The following NKAIN2 variants were observed in gnomAD, a reference collection of about 807,000 sequenced individuals.
NKAIN2 encodes the protein sodium/potassium transporting ATPase interacting 2.
NKAIN2 carries 14 observed loss-of-function variants against 32.6 expected under a neutral mutation model. That is an observed-to-expected ratio of 0.43 (90% CI 0.28 to 0.67). NKAIN2 has a LOEUF of 0.67. Ranked by LOEUF, NKAIN2 falls within the 30% of genes least tolerant of loss-of-function variation. The pLI is 0.17. For missense variants in NKAIN2, 198 were observed against 258.3 expected (o/e 0.77, Z 1.60); for synonymous variants, 80 against 87.2 (o/e 0.92, Z 0.46).
chr6:124,714,749 G>A (rs1390609579), intron 4 of NKAIN2, among the ~76,000 whole-genome samples: 2 of 152,222 alleles, frequency 1.3e-5, no homozygotes, highest in East Asian at 1.9e-4. Flanking sequence ...CTGGCAGATT[G>A]GAAGGGCTAT....
chr6:124,648,277 C>T (rs1784248637), intron 3 of NKAIN2, among the ~76,000 whole-genome samples: 1 of 152,180 alleles, frequency 6.6e-6, no homozygotes, highest in South Asian at 2.1e-4. Flanking sequence ...TACTCTCCTA[C>T]ACAGATTGAA....
At chr6:124,468,043 A>G (rs1776831959) in intron 3 of NKAIN2, among the ~76,000 whole-genome samples, 1 of 152,138 alleles carries the variant, frequency 6.6e-6, no homozygotes, top group South Asian at 2.1e-4. Flanking sequence ...ACAAGGTGCT[A>G]CTTCCATGAT....
At chr6:124,512,525 A>C (rs551045910) in intron 3 of NKAIN2, among the ~76,000 whole-genome samples, 1 of 152,346 alleles carries the variant, frequency 6.6e-6, no homozygotes, top group Admixed American at 6.5e-5. Flanking sequence ...AAAAGTGGTC[A>C]TGAAGAAAAT....
intron 3 of NKAIN2, among the ~76,000 whole-genome samples, chr6:124,504,108 C>T (rs909559979): frequency 1.3e-5 from 2 of 152,074 alleles, no homozygotes; most frequent in Non-Finnish European, 1.5e-5. Flanking sequence ...TATGTATACA[C>T]ATATATGAAT....
intron 1 of NKAIN2, among the ~76,000 whole-genome samples, chr6:124,083,503 T>A (rs1784064544): frequency 6.6e-6 from 1 of 151,832 alleles, no homozygotes; most frequent in Admixed American, 6.6e-5. Flanking sequence ...ATTTTTCTAA[T>A]TTTTTATAAT....
intron 1 of NKAIN2, among the ~76,000 whole-genome samples, chr6:123,966,778 A>G (rs1778100666): frequency 1.3e-5 from 2 of 152,144 alleles, no homozygotes; most frequent in Non-Finnish European, 2.9e-5. Flanking sequence ...GTATACTACT[A>G]CTGCTGCAGG....
At chr6:124,316,632 G>C (rs963389601) in intron 2 of NKAIN2, among the ~76,000 whole-genome samples, 1 of 152,094 alleles carries the variant, frequency 6.6e-6, no homozygotes, top group Non-Finnish European at 1.5e-5. Context: ...AAAGTCATAA[G>C]ATACAGTTAA....
intron 5 of NKAIN2, among the ~76,000 whole-genome samples, chr6:124,793,798 G>C (rs1202554146): frequency 6.8e-6 from 1 of 147,760 alleles, no homozygotes; most frequent in African/African-American, 2.5e-5. Context: ...CCTTTTTTTT[G>C]TTTTCTAACC....
At chr6:124,178,444 C>T (rs1375368324) in intron 1 of NKAIN2, among the ~76,000 whole-genome samples, 1 of 151,852 alleles carries the variant, frequency 6.6e-6, no homozygotes, top group Non-Finnish European at 1.5e-5. Flanking sequence ...ACTACAGGCG[C>T]CCGCCACCAT....
chr6:124,531,217 T>G (rs969133221), intron 3 of NKAIN2, among the ~76,000 whole-genome samples: 2 of 152,204 alleles, frequency 1.3e-5, no homozygotes, highest in Non-Finnish European at 2.9e-5. Context: ...AAATGTTTGT[T>G]GCTTAAGCCA....
At chr6:124,474,903 T>C (rs1006262560) in intron 3 of NKAIN2, among the ~76,000 whole-genome samples, 4 of 140,272 alleles carry the variant, frequency 2.9e-5, no homozygotes, top group African/African-American at 8.0e-5. Context: ...ATATGTATCA[T>C]ATTATATACT....
At chr6:123,930,268 G>C (rs933703193) in intron 1 of NKAIN2, among the ~76,000 whole-genome samples, 23 of 152,122 alleles carry the variant, frequency 1.5e-4, no homozygotes, top group African/African-American at 4.8e-4. Context: ...TTTTCAGCTA[G>C]AGTTGTTTGT....
chr6:124,292,746 G>T (rs890763643), intron 2 of NKAIN2, among the ~76,000 whole-genome samples: 1 of 152,044 alleles, frequency 6.6e-6, no homozygotes, highest in Non-Finnish European at 1.5e-5. Flanking sequence ...CATGCATTCT[G>T]CCAGACCCTA....
intron 1 of NKAIN2, among the ~76,000 whole-genome samples, chr6:123,890,720 A>C (rs1773968101): frequency 6.6e-6 from 1 of 152,186 alleles, no homozygotes; most frequent in Non-Finnish European, 1.5e-5. Flanking sequence ...TGGAACACTC[A>C]TGCATTGCTG....
intron 3 of NKAIN2, among the ~76,000 whole-genome samples, chr6:124,357,588 G>T (rs1206050336): frequency 6.6e-6 from 1 of 152,110 alleles, no homozygotes; most frequent in Non-Finnish European, 1.5e-5. Context: ...TGAGGCTGAG[G>T]GAGAAATTTG....
intron 5 of NKAIN2, among the ~76,000 whole-genome samples, chr6:124,804,126 G>A (rs1015306652): frequency 3.3e-5 from 5 of 152,108 alleles, no homozygotes; most frequent in Non-Finnish European, 5.9e-5. Context: ...CCATCTTGAT[G>A]CTACCAAACA....
intron 1 of NKAIN2, among the ~76,000 whole-genome samples, chr6:124,193,108 A>T (rs1003388097): frequency 6.6e-6 from 1 of 152,172 alleles, no homozygotes; most frequent in Non-Finnish European, 1.5e-5. Flanking sequence ...ATACACATTT[A>T]GAATTGTTAT....
At chr6:124,395,735 A>G (rs530427806) in intron 3 of NKAIN2, among the ~76,000 whole-genome samples, 1 of 152,160 alleles carries the variant, frequency 6.6e-6, no homozygotes, top group Non-Finnish European at 1.5e-5. Context: ...CTTTGATTAC[A>G]TTCATAAATA....
intron 3 of NKAIN2, among the ~76,000 whole-genome samples, chr6:124,652,657 T>C (rs1784406059): frequency 6.6e-6 from 1 of 152,120 alleles, no homozygotes; most frequent in South Asian, 2.1e-4. Context: ...GGGGCCGGCA[T>C]CCATCAAAGT....
Sources: gnomAD v4.1 joint callset for allele counts (sites outside exome capture counted in the v4.1 genomes callset) on GRCh38, gnomAD v4.1.1 for gene constraint, MANE v1.5 for transcripts, NCBI Gene and HGNC (gene_info 2026-07-23, HGNC 2026-07-21) for gene names.